Variants in LRRC8A observed in about 807,000 individuals in gnomAD.
LRRC8A encodes the protein volume-regulated anion channel subunit LRRC8A.
In LRRC8A, 24 loss-of-function variants were observed where a neutral mutation model predicts 52.5. The observed-to-expected ratio is 0.46, with a 90% CI of 0.33 to 0.64. The LOEUF is 0.64. LRRC8A is among the 30% of genes least tolerant of loss of function. LRRC8A has a pLI of 0.02. For missense variants in LRRC8A, 677 were observed against 1,094.7 expected, an observed-to-expected ratio of 0.62 and a Z score of 5.38; for synonymous variants, 492 against 494.2, an observed-to-expected ratio of 1.00 and a Z score of 0.06.
Position 128,892,425 on chromosome 9 carries a change from C to T in LRRC8A, c.-9+6304C>T, listed in dbSNP as rs748105539. On this transcript the variant is annotated intron_variant, in intron 2 of 3. Coordinates refer to ENST00000372600, the MANE Select transcript of LRRC8A (RefSeq NM_019594.4). This position sits in a 1 kb window ranked among gnomAD's most constrained non-coding sequence, Gnocchi z 5.2. ...CTTGCAAGTTGGTGTGAGGATGAAC[C>T]TGTTTGGGAGCCCAGCCCAGGTGAG... Among the ~76,000 whole-genome samples the T allele has an allele frequency of 2.0e-5, 3 of 152,218 alleles. No homozygotes were observed. The highest frequency in any genetic ancestry group is 2.9e-5 in the Non-Finnish European group (2 of 68,034).
In LRRC8A at chr9:128,896,601, T is replaced by C. The variant is rs187620913; in HGVS notation, c.-9+10480T>C. Among the ~76,000 whole-genome samples, 67 of 152,350 alleles carry C rather than the reference T, an allele frequency of 4.4e-4. 2 individuals carry two copies. In the East Asian group the frequency reaches 0.011, roughly 26 times the overall value. ...TTTCATACATTGGTTCCATTTGCAT[T>C]TTTCCCCTGTGAATTGCCTATGCGT... is the stretch of plus-strand genomic sequence containing the variant. On this transcript the variant is annotated intron_variant, in intron 2 of 3. Coordinates refer to ENST00000372600, the MANE Select transcript of LRRC8A (RefSeq NM_019594.4).
intron 2 of LRRC8A, among the ~76,000 whole-genome samples, chr9:128,906,463 C>T (rs1187836334): frequency 6.6e-6 from 1 of 151,136 alleles, no homozygotes; most frequent in African/African-American, 2.4e-5. Context: ...GCTGGGATTA[C>T]AGGCACCCGC....
rs749713824 is a variant in LRRC8A, at chr9:128,911,988, C to T, written c.2157+2667C>T. ...TGGGCGTGGCCTGCCCACGCCCTTGCGTGCTGTTTCTCCAGATTTATACTC... is the reference window on the plus strand; with the variant it reads ...TGGGCGTGGCCTGCCCACGCCCTTGTGTGCTGTTTCTCCAGATTTATACTC... On this transcript the variant is annotated intron_variant, in intron 3 of 3. Coordinates refer to ENST00000372600, the MANE Select transcript of LRRC8A (RefSeq NM_019594.4). The surrounding 1 kb of genome is among the most constrained non-coding windows in gnomAD (Gnocchi z 4.9). Among the ~76,000 whole-genome samples the T allele has an allele frequency of 1.2e-4, 18 of 152,226 alleles. No homozygotes were observed. Among genetic ancestry groups the T allele is most frequent in the African/African-American group, 4.1e-4 (17 of 41,452 alleles).
chr9:128,913,061 G>A (rs1233544101), intron 3 of LRRC8A, among the ~76,000 whole-genome samples: 2 of 152,154 alleles, frequency 1.3e-5, no homozygotes, highest in Non-Finnish European at 2.9e-5. Context: ...CAGGCTCATG[G>A]GTGAAGATGG....
At chr9:128,886,255 G>T in intron 2 of LRRC8A, 134 bp downstream of exon 2, 1 of 152,394 alleles carries the variant, frequency 6.6e-6, no homozygotes, top group Non-Finnish European at 1.5e-5. Flanking sequence ...AGGGTAGAGT[G>T]GCAGACAGCA....
At chr9:128,915,529 G>A (rs1410452722) in intron 3 of LRRC8A, among the ~76,000 whole-genome samples, 1 of 152,154 alleles carries the variant, frequency 6.6e-6, no homozygotes, top group Non-Finnish European at 1.5e-5. Context: ...GTTTCACCGT[G>A]TTAGCCAGGA....
rs1340455828 is a variant in LRRC8A, at chr9:128,911,125, C to T, written c.2157+1804C>T. On this transcript the variant is annotated intron_variant, in intron 3 of 3. Transcript: ENST00000372600. The surrounding 1 kb of genome is among the most constrained non-coding windows in gnomAD (Gnocchi z 4.9). ...ATCCTCAGGCACGGAGGGAGGTGGC[C>T]CCTGGAATGCCCTGTCTGTCCTCCT... is the stretch of plus-strand genomic sequence containing the variant. Among the ~76,000 whole-genome samples the T allele has an allele frequency of 1.3e-5, 2 of 152,120 alleles. No individual in the cohort carries two copies. The highest frequency in any genetic ancestry group is 2.9e-5 in the Non-Finnish European group (2 of 68,004).
At chr9:128,906,841 T>C (rs529354901) in intron 2 of LRRC8A, among the ~76,000 whole-genome samples, 23 of 152,332 alleles carry the variant, frequency 1.5e-4, no homozygotes, top group African/African-American at 2.4e-4. Flanking sequence ...CTTACTGGAA[T>C]GCAAGGGATG....
chr9:128,905,704 C>A (rs894964683), intron 2 of LRRC8A, among the ~76,000 whole-genome samples: 1 of 152,060 alleles, frequency 6.6e-6, no homozygotes, highest in Non-Finnish European at 1.5e-5. Flanking sequence ...ATTACCTGGG[C>A]ATGGTGGTGC....
chr9:128,903,928 T>G (rs2131001503), intron 2 of LRRC8A, among the ~76,000 whole-genome samples: 1 of 152,104 alleles, frequency 6.6e-6, no homozygotes, highest in South Asian at 2.1e-4. Context: ...CTTGGGAGAT[T>G]GAAACATGAG....
intron 1 of LRRC8A, among the ~76,000 whole-genome samples, chr9:128,885,615 C>T (rs62585575): frequency 0.042 from 6,387 of 152,228 alleles, 162 homozygotes; most frequent in Non-Finnish European, 0.064. Flanking sequence ...TCTGTCAGAA[C>T]CTCTTTTGTC....
rs1399335544 is a variant in LRRC8A at position 128,899,804 on chromosome 9, T to C, written c.-8-7353T>C. Among the ~76,000 whole-genome samples the C allele has an allele frequency of 1.3e-5, 2 of 152,182 alleles. No individual in the cohort carries two copies. Among genetic ancestry groups the C allele is most frequent in the African/African-American group, 4.8e-5 (2 of 41,424 alleles). On this transcript the variant is annotated intron_variant, in intron 2 of 3. Transcript: ENST00000372600. This position sits in a 1 kb window ranked among gnomAD's most constrained non-coding sequence, Gnocchi z 4.0. ...CAGTTTAACGAGATGAAGAGAGTTCTGTGTATGGTGGTGATGGTTGCACAA... is the reference window on the plus strand; with the variant it reads ...CAGTTTAACGAGATGAAGAGAGTTCCGTGTATGGTGGTGATGGTTGCACAA...
chr9:128,902,884 A>G lies in LRRC8A; in HGVS notation c.-8-4273A>G, dbSNP rs1194544301. Among the ~76,000 whole-genome samples, 1 of 152,104 alleles carries G rather than the reference A, an allele frequency of 6.6e-6. No homozygotes were observed. The highest frequency in any genetic ancestry group is 1.5e-5 in the Non-Finnish European group (1 of 67,982). On this transcript the variant is annotated intron_variant, in intron 2 of 3. Coordinates refer to ENST00000372600, the MANE Select transcript of LRRC8A (RefSeq NM_019594.4). The surrounding 1 kb of genome is among the most constrained non-coding windows in gnomAD (Gnocchi z 4.1). The stretch of plus-strand genomic sequence containing the variant: ...ACTTCTGGCCTGGAGCTGCCAGCCC[A>G]GGGCGGGCGGTGGTGTCTGCTGGCC...
intron 2 of LRRC8A, among the ~76,000 whole-genome samples, chr9:128,906,217 C>A (rs1450552842): frequency 1.3e-5 from 2 of 152,088 alleles, no homozygotes; most frequent in African/African-American, 2.4e-5. Context: ...CAGCTTCAAC[C>A]TCCTGGACTC....
At position 128,916,370 on chromosome 9, in the gene LRRC8A, G is replaced by T; in HGVS notation, c.2432G>T (p.Ter811LeuextTer46). The change falls in exon 4 of 4, where the codon TGA (stop) becomes TTA (leucine). Residue 811 changes from the stop codon to leucine, a stop_lost. Transcript: ENST00000372600. The surrounding 1 kb of genome is among the most constrained non-coding windows in gnomAD (Gnocchi z 6.1). ...TGGAGGGCTGACAAGGAGCAGGCCT[G>T]AGCGAGGCCGGCCCAGCACAGCAAG... ...RLWRADKEQA[*>L] 1 of 1,607,592 alleles carries T rather than the reference G, an allele frequency of 6.2e-7. No homozygotes were observed. Among genetic ancestry groups the T allele is most frequent in the South Asian group, 1.1e-5 (1 of 90,846 alleles).
At chr9:128,891,305 A>T in intron 2 of LRRC8A, among the ~76,000 whole-genome samples, 1 of 149,174 alleles carries the variant, frequency 6.7e-6, no homozygotes, top group South Asian at 2.1e-4. Flanking sequence ...TGGCATGTGC[A>T]TGTAGTTCCA....
At chr9:128,884,847 C>T (rs1191490153) in intron 1 of LRRC8A, 1 of 152,186 alleles carries the variant, frequency 6.6e-6, no homozygotes, top group African/African-American at 2.4e-5. Flanking sequence ...ACCACCACCC[C>T]GTATGGAATT....
At chr9:128,896,131 C>G (rs772389060) in intron 2 of LRRC8A, among the ~76,000 whole-genome samples, 1 of 152,180 alleles carries the variant, frequency 6.6e-6, no homozygotes, top group Non-Finnish European at 1.5e-5. Context: ...GCTTTTGTAT[C>G]TTCGGTATAC....
chr9:128,896,282 T>G (rs7024324), intron 2 of LRRC8A, among the ~76,000 whole-genome samples: 5 of 152,214 alleles, frequency 3.3e-5, no homozygotes, highest in African/African-American at 1.2e-4. Flanking sequence ...TTAAAGCATT[T>G]CCATTGTATG....
Sources: allele counts gnomAD v4.1 joint callset (sites outside exome capture counted in the v4.1 genomes callset), GRCh38; gene constraint gnomAD v4.1.1; non-coding constraint Gnocchi (gnomAD v3.1); transcripts MANE v1.5; gene names NCBI Gene and HGNC (gene_info 2026-07-23, HGNC 2026-07-21).